NRXN2: variants seen among roughly 807,000 people sequenced by gnomAD.
The protein encoded by NRXN2 is neurexin-2-beta.
A neutral mutation model predicts 128.8 loss-of-function variants in NRXN2; 29 were observed. That is an observed-to-expected ratio of 0.23 (90% confidence interval 0.17 to 0.31). NRXN2 has a LOEUF of 0.31. Ranked by LOEUF, NRXN2 falls within the 10% of genes least tolerant of loss-of-function variation. The probability of loss-of-function intolerance (pLI) is 1.00; values close to 1 mark genes in which losing one functional copy is unlikely to be tolerated. For synonymous variants in NRXN2, 1,098 were observed against 1,075.2 expected, an observed-to-expected ratio of 1.02 and a Z score of -0.41; for missense variants, 1,881 against 2,452.6, an observed-to-expected ratio of 0.77 and a Z score of 4.92.
intron 22 of NRXN2, among the ~76,000 whole-genome samples, chr11:64,616,041 A>G (rs1277641038): frequency 6.6e-6 from 1 of 152,094 alleles, no homozygotes; most frequent in Admixed American, 6.5e-5. Flanking sequence ...GCATGGAAGT[A>G]TGAGCTTCTA....
chr11:64,660,201 G>A lies in NRXN2; in HGVS notation c.2389+131C>T, dbSNP rs1152626. The A allele has an allele frequency of 1, 994,575 of 998,942 alleles. 495,233 individuals are homozygous for A. Among genetic ancestry groups the A allele is most frequent in the East Asian group, 1 (41,150 of 41,150 alleles). The allele number at this position is 998,942 out of a possible 1,614,324, so 61.9% of individuals were successfully genotyped here. ...CTCAGGGTCTCTGACCCAGGCTGGC[G>A]CCTCCCCACCTCCAAACTCTGCTGA... On this transcript the variant is annotated intron_variant, in intron 11 of 22. Coordinates refer to ENST00000265459, the MANE Select transcript of NRXN2 (RefSeq NM_015080.4). This position sits in a 1 kb window ranked among gnomAD's most constrained non-coding sequence, Gnocchi z 5.2.
At chr11:64,642,707 G>C in intron 17 of NRXN2, 1 of 1,489,592 alleles carries the variant, frequency 6.7e-7, no homozygotes, top group African/African-American at 1.4e-5. Flanking sequence ...AGCGGCAGCA[G>C]AGGTGGCGGC....
intron 22 of NRXN2, among the ~76,000 whole-genome samples, chr11:64,612,931 C>T (rs937144725): frequency 4.6e-5 from 7 of 152,244 alleles, no homozygotes; most frequent in Non-Finnish European, 4.4e-5. Flanking sequence ...TCAGTGGACA[C>T]GGTCCTGTTC....
rs917753815 is a variant in NRXN2, at chr11:64,723,057, G to C, written c.-331C>G. The C allele has an allele frequency of 2.0e-5, 3 of 150,834 alleles. No individual in the cohort carries two copies. Among genetic ancestry groups the C allele is most frequent in the Non-Finnish European group, 4.4e-5 (3 of 67,434 alleles). The allele number at this position is 150,834 out of a possible 1,614,324, so 9.3% of individuals were successfully genotyped here. On this transcript the variant is annotated 5_prime_UTR_variant, in exon 1 of 23. Coordinates refer to ENST00000265459, the MANE Select transcript of NRXN2 (RefSeq NM_015080.4). The stretch of plus-strand genomic sequence containing the variant: ...CCGACGGGTGGCAGAGCCAGGGCTA[G>C]CGGTGTCTGCCGCCTCGCGCCTCTC...
chr11:64,722,534 C>T lies in NRXN2; in HGVS notation c.-245+437G>A, dbSNP rs1397615784. Among the ~76,000 whole-genome samples the T allele has an allele frequency of 2.6e-5, 4 of 151,920 alleles. No homozygotes were observed. In the East Asian group the frequency reaches 7.8e-4, roughly 29 times the overall value. On this transcript the variant is annotated intron_variant, in intron 1 of 22. Transcript: ENST00000265459. ...TTCCCTCTCCACTTCTCTCTCTTCT[C>T]CAGCCCCCTCTCCTCTCCTCCCACG...
intron 22 of NRXN2, among the ~76,000 whole-genome samples, chr11:64,613,157 C>A (rs776427319): frequency 1.3e-5 from 2 of 152,246 alleles, no homozygotes; most frequent in Non-Finnish European, 1.5e-5. Flanking sequence ...CATGCACACA[C>A]ACACACTGAG....
intron 5 of NRXN2, among the ~76,000 whole-genome samples, chr11:64,689,790 C>A (rs2053569043): frequency 6.6e-6 from 1 of 152,080 alleles, no homozygotes; most frequent in African/African-American, 2.4e-5. Flanking sequence ...GGGGAGAGGA[C>A]AAGGATGGCG....
intron 9 of NRXN2, 137 bp from the exon 10 acceptor site, chr11:64,661,276 A>G (rs1190591828): frequency 5.9e-6 from 9 of 1,537,068 alleles, no homozygotes. Context: ...GACGAGCAGC[A>G]GTCCTGGGCT....
intron 19 of NRXN2, among the ~76,000 whole-genome samples, chr11:64,628,544 G>A (rs1040563302): frequency 6.6e-6 from 1 of 152,136 alleles, no homozygotes; most frequent in Non-Finnish European, 1.5e-5. Flanking sequence ...CTGAGGAGAG[G>A]AGAGCAGGAA....
At chr11:64,646,178 C>T (rs1159912738) in intron 17 of NRXN2, among the ~76,000 whole-genome samples, 2 of 152,156 alleles carry the variant, frequency 1.3e-5, no homozygotes, top group Non-Finnish European at 2.9e-5. Context: ...CCAGGTTGCA[C>T]CCACCTTGTC....
At chr11:64,642,784 C>A in intron 17 of NRXN2, 1 of 1,166,310 alleles carries the variant, frequency 8.6e-7, no homozygotes, top group Non-Finnish European at 1.1e-6. Flanking sequence ...CCCCCCCGGC[C>A]CGCTCCCCCC....
intron 17 of NRXN2, among the ~76,000 whole-genome samples, chr11:64,644,871 G>T (rs1257598864): frequency 6.6e-6 from 1 of 152,034 alleles, no homozygotes; most frequent in Non-Finnish European, 1.5e-5. Context: ...AACTCCATTT[G>T]GGAGCAAAAA....
intron 17 of NRXN2, among the ~76,000 whole-genome samples, chr11:64,639,998 C>T (rs1026033213): frequency 6.6e-6 from 1 of 152,042 alleles, no homozygotes; most frequent in Non-Finnish European, 1.5e-5. Flanking sequence ...CAGGTGGCCT[C>T]ATCCCTTCTC....
chr11:64,716,529 T>A (rs376834967), intron 1 of NRXN2, among the ~76,000 whole-genome samples: 1 of 151,944 alleles, frequency 6.6e-6, no homozygotes, highest in South Asian at 2.1e-4. Flanking sequence ...GAGGTGGAGG[T>A]TCTACTGGTC....
intron 1 of NRXN2, among the ~76,000 whole-genome samples, chr11:64,721,862 C>A (rs1336202698): frequency 6.6e-6 from 1 of 152,018 alleles, no homozygotes; most frequent in Non-Finnish European, 1.5e-5. Context: ...AAGACCCACC[C>A]CCTAAAAATC....
chr11:64,687,711 C>A (rs1031643876), intron 5 of NRXN2, among the ~76,000 whole-genome samples: 2 of 152,116 alleles, frequency 1.3e-5, no homozygotes, highest in Admixed American at 6.5e-5. Flanking sequence ...CAGAGACAGA[C>A]AAGAAATGAA....
chr11:64,720,341 TG>T (rs1365105798), intron 1 of NRXN2, among the ~76,000 whole-genome samples: 1 of 151,578 alleles, frequency 6.6e-6, no homozygotes, highest in East Asian at 1.9e-4. Context: ...AGCAGCAAGG[TG>T]GGTGGCGTGT....
chr11:64,681,812 T>G (rs1057381463), intron 6 of NRXN2, among the ~76,000 whole-genome samples: 3 of 5,324 alleles, frequency 5.6e-4, no homozygotes, highest in African/African-American at 7.4e-4. Flanking sequence ...ACTAAGAAAA[T>G]TGGATGAGTA....
chr11:64,699,876 C>A (rs1405265995), intron 2 of NRXN2, among the ~76,000 whole-genome samples: 2 of 152,174 alleles, frequency 1.3e-5, no homozygotes, highest in Non-Finnish European at 2.9e-5. Flanking sequence ...GTCTCACCAG[C>A]ACCTGTGCAA....
Sources: allele counts gnomAD v4.1 joint callset (sites outside exome capture counted in the v4.1 genomes callset), GRCh38; gene constraint gnomAD v4.1.1; non-coding constraint Gnocchi (gnomAD v3.1); transcripts MANE v1.5; gene names NCBI Gene and HGNC (gene_info 2026-07-23, HGNC 2026-07-21).